MED13L: variants seen among roughly 807,000 people sequenced by gnomAD.
The protein encoded by MED13L is mediator of RNA polymerase II transcription subunit 13-like.
MED13L carries 7 observed loss-of-function variants against 220.9 expected under a neutral mutation model. The ratio of observed to expected loss-of-function variants is 0.03; its 90% CI spans 0.02 to 0.06. MED13L has a LOEUF of 0.06. MED13L is among the 10% of genes least tolerant of loss of function. The pLI is 1.00. For synonymous variants in MED13L, 1,011 were observed against 1,015.2 expected (o/e 1.00, Z 0.08); for missense variants, 1,965 against 2,760.5 (o/e 0.71, Z 6.46).
chr12:116,071,689 C>T (rs1870382685), intron 4 of MED13L, among the ~76,000 whole-genome samples: 2 of 152,324 alleles, frequency 1.3e-5, no homozygotes, highest in Admixed American at 6.5e-5. Flanking sequence ...TTAAACAAAA[C>T]AAGCATTACT....
At chr12:116,132,875 G>A (rs551629216) in intron 2 of MED13L, among the ~76,000 whole-genome samples, 54 of 151,932 alleles carry the variant, frequency 3.6e-4, no homozygotes, top group African/African-American at 1.2e-3. Flanking sequence ...AGCCGACACT[G>A]CACTCCAGCC....
At position 115,960,958 on chromosome 12, in the gene MED13L, T is replaced by C; in HGVS notation, c.*308A>G. On this transcript the variant is annotated 3_prime_UTR_variant, in exon 31 of 31. Transcript: ENST00000281928. ...TGCAAAAGGACACTGTCTCTTCTGT[T>C]TCCCGCTGAAAAGCCATCAACCACC... 2 of 412,678 alleles carry C rather than the reference T, an allele frequency of 4.8e-6. No individual in the cohort carries two copies. Among genetic ancestry groups the C allele is most frequent in the South Asian group, 2.1e-5 (1 of 46,930 alleles). The allele number at this position is 412,678 out of a possible 1,614,324, so 25.6% of individuals were successfully genotyped here. A position where few individuals can be genotyped will look rare whatever the true frequency, so the allele number is the denominator to read the frequency against.
At chr12:115,999,390 CAA>C (rs1005449097) in intron 14 of MED13L, among the ~76,000 whole-genome samples, 1 of 138,808 alleles carries the variant, frequency 7.2e-6, no homozygotes. Context: ...GACTCTGTCT[CAA>C]AAAAAAAAAA....
chr12:116,027,668 T>C (rs982157219), intron 4 of MED13L, among the ~76,000 whole-genome samples: 4 of 152,116 alleles, frequency 2.6e-5, no homozygotes, highest in African/African-American at 9.7e-5. Context: ...GGTGCTTCCA[T>C]GTGTCATATT....
At chr12:116,182,911 C>A (rs1485368491) in intron 2 of MED13L, among the ~76,000 whole-genome samples, 2 of 152,268 alleles carry the variant, frequency 1.3e-5, no homozygotes, top group African/African-American at 4.8e-5. Context: ...CAAAGGTATG[C>A]AGCTTATCTC....
chr12:116,106,096 T>C (rs1216923639), intron 3 of MED13L, among the ~76,000 whole-genome samples: 1 of 152,170 alleles, frequency 6.6e-6, no homozygotes, highest in Non-Finnish European at 1.5e-5. Context: ...ACAATGAACA[T>C]GCAACATGAG....
intron 2 of MED13L, among the ~76,000 whole-genome samples, chr12:116,179,198 G>A (rs1030713358): frequency 5.2e-5 from 7 of 135,516 alleles, no homozygotes; most frequent in Non-Finnish European, 7.9e-5. Context: ...AAAATTTGAC[G>A]ATTTACGTGT....
At chr12:115,999,417 T>C (rs1281096970) in intron 14 of MED13L, among the ~76,000 whole-genome samples, 1 of 152,008 alleles carries the variant, frequency 6.6e-6, no homozygotes, top group African/African-American at 2.4e-5. Flanking sequence ...CATCTACGCT[T>C]GAAATAAATC....
intron 4 of MED13L, among the ~76,000 whole-genome samples, chr12:116,033,463 C>A (rs946812036): frequency 6.6e-6 from 1 of 152,182 alleles, no homozygotes; most frequent in African/African-American, 2.4e-5. Flanking sequence ...ACCCTTTTCA[C>A]TGGGTGCCTT....
chr12:115,968,106 A>AAATAAATG (rs1290772881), intron 28 of MED13L, among the ~76,000 whole-genome samples: 1 of 127,062 alleles, frequency 7.9e-6, no homozygotes, highest in Non-Finnish European at 1.6e-5. Flanking sequence ...CTTTGTGTCT[A>AAATAAATG]AATAAATGAG....
chr12:115,982,179 C>T lies in MED13L; in HGVS notation c.5175+205G>A, dbSNP rs192949356. On this transcript the variant is annotated intron_variant, in intron 22 of 30. Coordinates refer to ENST00000281928, the MANE Select transcript of MED13L (RefSeq NM_015335.5). ...AACATAAATAAATTTTATGTTTAGA[C>T]TTGGGCCCACTGCAAAGGTCTCCCA... The T allele has an allele frequency of 3.7e-4, 215 of 588,474 alleles. 3 individuals are homozygous for T. The highest frequency in any genetic ancestry group is 2.3e-3 in the East Asian group (78 of 34,564). The allele number at this position is 588,474 out of a possible 1,614,324, so 36.5% of individuals were successfully genotyped here. A position where few individuals can be genotyped will look rare whatever the true frequency, so the allele number is the denominator to read the frequency against.
intron 1 of MED13L, among the ~76,000 whole-genome samples, chr12:116,248,395 G>T (rs1450277614): frequency 6.6e-6 from 1 of 152,084 alleles, no homozygotes; most frequent in African/African-American, 2.4e-5. Flanking sequence ...GTTAATCATA[G>T]ATATGGGGGG....
At chr12:116,066,035 T>G (rs1017637422) in intron 4 of MED13L, among the ~76,000 whole-genome samples, 1 of 152,178 alleles carries the variant, frequency 6.6e-6, no homozygotes, top group Non-Finnish European at 1.5e-5. Flanking sequence ...AGGACAAAGG[T>G]GATAGACTGT....
At chr12:116,222,419 C>T (rs1868528694) in intron 2 of MED13L, among the ~76,000 whole-genome samples, 1 of 152,178 alleles carries the variant, frequency 6.6e-6, no homozygotes, top group African/African-American at 2.4e-5. Flanking sequence ...TTCTTCCCGG[C>T]CTCTGTTCCA....
intron 4 of MED13L, among the ~76,000 whole-genome samples, chr12:116,024,725 T>G (rs374235136): frequency 3.4e-4 from 48 of 143,122 alleles, no homozygotes; most frequent in African/African-American, 1.1e-3. Flanking sequence ...TGAAGAAGGA[T>G]TTCTCCTATG....
chr12:116,187,510 T>C (rs1023297324), intron 2 of MED13L, among the ~76,000 whole-genome samples: 5 of 152,226 alleles, frequency 3.3e-5, no homozygotes, highest in Admixed American at 3.3e-4. Context: ...TGGACACATA[T>C]TGTTTTATGT....
At chr12:116,015,018 A>G (rs1218484767) in intron 8 of MED13L, 91 bp downstream of exon 8, 10 of 1,317,550 alleles carry the variant, frequency 7.6e-6, no homozygotes, top group Non-Finnish European at 1.1e-5. Flanking sequence ...AAGTTTGGTC[A>G]CACAATAGTG....
chr12:116,102,936 T>C (rs1873217610), intron 3 of MED13L, among the ~76,000 whole-genome samples: 1 of 151,954 alleles, frequency 6.6e-6, no homozygotes, highest in Admixed American at 6.6e-5. Context: ...CAGGCTGGTC[T>C]TGAACTCCTG....
chr12:116,211,136 T>C (rs1453529941), intron 2 of MED13L, among the ~76,000 whole-genome samples: 2 of 152,166 alleles, frequency 1.3e-5, no homozygotes, highest in African/African-American at 4.8e-5. Flanking sequence ...GATCTTCTGT[T>C]AGAAGACCTT....
Sources: gnomAD v4.1 joint callset for allele counts (sites outside exome capture counted in the v4.1 genomes callset) on GRCh38, gnomAD v4.1.1 for gene constraint, MANE v1.5 for transcripts, NCBI Gene and HGNC (gene_info 2026-07-23, HGNC 2026-07-21) for gene names.